Variants in ABCB11 observed in about 807,000 individuals in gnomAD.
ABCB11 encodes the protein ATP binding cassette subfamily B member 11, also known as bile salt export pump.
In ABCB11, 95 loss-of-function variants were observed where a neutral mutation model predicts 148.0. That is an observed-to-expected ratio of 0.64 (90% CI 0.54 to 0.76). The LOEUF (loss-of-function observed/expected upper bound fraction) is 0.76, where lower values mean the gene tolerates loss of function less well. ABCB11 is among the 30% of genes least tolerant of loss of function. The pLI, the probability that ABCB11 is intolerant of heterozygous loss-of-function variation, is 0.00. For missense variants in ABCB11, 1,523 were observed against 1,617.8 expected, an observed-to-expected ratio of 0.94 and a Z score of 1.01; for synonymous variants, 591 against 555.4, an observed-to-expected ratio of 1.06 and a Z score of -0.90.
At chr2:169,017,783 TG>T (rs1225903303) in intron 2 of ABCB11, among the ~76,000 whole-genome samples, 1 of 152,168 alleles carries the variant, frequency 6.6e-6, no homozygotes, top group African/African-American at 2.4e-5. Context: ...CAGCCACCAC[TG>T]GAACAACCCT....
Position 168,958,205 on chromosome 2 carries a change from G to T in ABCB11, c.2179-77C>A, listed in dbSNP as rs943429455. 3 of 1,396,434 alleles carry T rather than the reference G, an allele frequency of 2.1e-6. No individual in the cohort carries two copies. The African/African-American group carries it at 4.2e-5, about 20-fold the overall frequency. 86.5% of individuals were successfully genotyped at this position (1,396,434 alleles called of 1,614,324 possible). On this transcript the variant is annotated intron_variant, in intron 18 of 27. Transcript: ENST00000650372. ...TGCAGCAGATCCTTTGGCATTCACA[G>T]ATTTAAGAGTCATAGTTTGATTAGT...
At chr2:169,022,165 A>C (rs1695559521) in intron 1 of ABCB11, among the ~76,000 whole-genome samples, 1 of 152,024 alleles carries the variant, frequency 6.6e-6, no homozygotes, top group Non-Finnish European at 1.5e-5. Flanking sequence ...TTATAAAGAT[A>C]AATGCATTTT....
At chr2:168,930,999 G>A in intron 24 of ABCB11, 137 bp from the exon 25 acceptor site, 2 of 700,108 alleles carry the variant, frequency 2.9e-6, no homozygotes, top group Non-Finnish European at 4.6e-6. Flanking sequence ...TATAAAGACA[G>A]CAACTTAATA....
Position 168,925,105 on chromosome 2 carries a change from C to T in ABCB11, c.3619-302G>A, listed in dbSNP as rs569226738. Among the ~76,000 whole-genome samples the T allele has an allele frequency of 4.6e-5, 7 of 152,244 alleles. No homozygotes were observed. In the South Asian group the frequency reaches 1.5e-3, roughly 32 times the overall value. On this transcript the variant is annotated intron_variant, in intron 26 of 27. Transcript: ENST00000650372. Reference sequence around the variant, plus strand: ...CCACATAAGAGCCCATATATGAGATCCTCCTTGATTTGAGACTCTCTGATT... The same window carrying T: ...CCACATAAGAGCCCATATATGAGATTCTCCTTGATTTGAGACTCTCTGATT...
chr2:168,931,087 C>T (rs1393518107), intron 24 of ABCB11, among the ~76,000 whole-genome samples: 2 of 152,154 alleles, frequency 1.3e-5, no homozygotes, highest in Admixed American at 6.5e-5. Context: ...ACATTTGACT[C>T]CCCCTATTCC....
intron 5 of ABCB11, among the ~76,000 whole-genome samples, chr2:169,003,085 G>C (rs569002094): frequency 6.6e-6 from 1 of 152,110 alleles, no homozygotes; most frequent in East Asian, 1.9e-4. Flanking sequence ...ACTGCATCCA[G>C]TGTGTAGTCT....
At chr2:168,997,489 A>G (rs1402143824) in intron 5 of ABCB11, among the ~76,000 whole-genome samples, 2 of 151,982 alleles carry the variant, frequency 1.3e-5, no homozygotes, top group Admixed American at 6.6e-5. Context: ...AGTGCCAGGG[A>G]GTGGAGGAAA....
intron 18 of ABCB11, 67 bp downstream of exon 18, chr2:168,964,139 A>G: frequency 1.6e-6 from 2 of 1,218,972 alleles, no homozygotes; most frequent in South Asian, 1.3e-5. Context: ...TCTCAGGCTT[A>G]AAGGGTACCC....
At position 168,986,288 on chromosome 2, in the gene ABCB11, T is replaced by A; in HGVS notation, c.909-4A>T. The A allele has an allele frequency of 6.2e-7, 1 of 1,611,798 alleles. No homozygotes were observed. Among genetic ancestry groups the A allele is most frequent in the South Asian group, 1.1e-5 (1 of 90,968 alleles). On this transcript the variant is annotated splice_region_variant and splice_polypyrimidine_tract_variant and intron_variant, in intron 9 of 27. Transcript: ENST00000650372. ...GAACACAAGATTTTTCTCATACCTG[T>A]GAAGACAAAATGCTTGAGTCAATTT...
At chr2:169,006,708 G>A (rs770746536) in intron 5 of ABCB11, among the ~76,000 whole-genome samples, 1 of 152,088 alleles carries the variant, frequency 6.6e-6, no homozygotes, top group African/African-American at 2.4e-5. Context: ...AGTTCAGCTA[G>A]GTTTAGGATA....
In ABCB11 at chr2:168,996,681, T is replaced by C; in HGVS notation, c.431A>G (p.Tyr144Cys). The C allele has an allele frequency of 3.8e-6, 6 of 1,575,738 alleles. No individual in the cohort carries two copies. Among genetic ancestry groups the C allele is most frequent in the Admixed American group, 1.8e-5 (1 of 56,444 alleles). ...TACTGCGACAGCAATTCCAGCATAG[T>C]AACTGGCAAATTTGATCATTTCGCT... ...IESEMIKFAS[Y>C]YAGIAVAVLI... Residue 144 changes from tyrosine (Y) to cysteine (C), a missense_variant, in exon 6 of 28, where the codon TAC (tyrosine) becomes TGC (cysteine). Coordinates refer to ENST00000650372, the MANE Select transcript of ABCB11 (RefSeq NM_003742.4).
intron 1 of ABCB11, among the ~76,000 whole-genome samples, chr2:169,018,649 G>A (rs1695438161): frequency 6.6e-6 from 1 of 152,140 alleles, no homozygotes; most frequent in Non-Finnish European, 1.5e-5. Flanking sequence ...CAAAGGAACA[G>A]AAGGAAGACA....
chr2:169,018,213 G>T, intron 1 of ABCB11, 61 bp from the exon 2 acceptor site: 1 of 1,450,526 alleles, frequency 6.9e-7, no homozygotes. Flanking sequence ...TTTAATCAAA[G>T]TAGCCAAACG....
chr2:168,946,303 G>A (rs1163125904), intron 19 of ABCB11, among the ~76,000 whole-genome samples: 1 of 151,824 alleles, frequency 6.6e-6, no homozygotes, highest in Non-Finnish European at 1.5e-5. Context: ...TTACTAAGTA[G>A]CTATTATTTG....
intron 5 of ABCB11, among the ~76,000 whole-genome samples, chr2:169,001,899 C>A (rs541958558): frequency 1.3e-5 from 2 of 152,096 alleles, no homozygotes; most frequent in African/African-American, 4.8e-5. Context: ...TTGACTTTTT[C>A]CCCCCACTTT....
chr2:168,961,180 G>A (rs1305729884), intron 18 of ABCB11, among the ~76,000 whole-genome samples: 2 of 151,710 alleles, frequency 1.3e-5, no homozygotes, highest in African/African-American at 2.4e-5. Context: ...CATCTACTAT[G>A]ATGCATTCAT....
intron 26 of ABCB11, among the ~76,000 whole-genome samples, chr2:168,926,910 A>C (rs1691338021): frequency 6.6e-6 from 1 of 152,194 alleles, no homozygotes; most frequent in African/African-American, 2.4e-5. Context: ...GTAAATTCCT[A>C]TAATATTTTT....
chr2:168,946,668 C>G (rs946086648), intron 19 of ABCB11, among the ~76,000 whole-genome samples: 3 of 151,674 alleles, frequency 2.0e-5, no homozygotes, highest in African/African-American at 7.3e-5. Flanking sequence ...TTAAGGTCAC[C>G]TTTTATAATG....
intron 15 of ABCB11, 133 bp from the exon 16 acceptor site, chr2:168,969,684 C>A: frequency 1.2e-6 from 1 of 836,082 alleles, no homozygotes; most frequent in Non-Finnish European, 1.8e-6. Context: ...GCTGTGCAGA[C>A]ATTAGAAAAG....
Sources: gnomAD v4.1 joint callset for allele counts (sites outside exome capture counted in the v4.1 genomes callset) on GRCh38, gnomAD v4.1.1 for gene constraint, MANE v1.5 for transcripts, NCBI Gene and HGNC (gene_info 2026-07-23, HGNC 2026-07-21) for gene names.